GPHN: variants seen among roughly 807,000 people sequenced by gnomAD.
GPHN encodes gephyrin.
In GPHN, 17 loss-of-function variants were observed where a neutral mutation model predicts 95.5. The ratio of observed to expected loss-of-function variants is 0.18; its 90% CI spans 0.12 to 0.27. The LOEUF is 0.27. GPHN is among the 10% of genes least tolerant of loss of function. The pLI is 1.00. For missense variants in GPHN, 660 were observed against 978.1 expected (o/e 0.67, Z 4.34); for synonymous variants, 320 against 322.5 (o/e 0.99, Z 0.08).
intron 5 of GPHN, among the ~76,000 whole-genome samples, chr14:66,896,606 T>C (rs897978953): frequency 6.6e-6 from 1 of 151,992 alleles, no homozygotes; most frequent in Non-Finnish European, 1.5e-5. Flanking sequence ...TGAGACCCTC[T>C]CTTAAAAAAA....
intron 12 of GPHN, among the ~76,000 whole-genome samples, chr14:67,090,028 T>C (rs930513461): frequency 3.9e-5 from 6 of 152,144 alleles, no homozygotes; most frequent in African/African-American, 7.2e-5. Flanking sequence ...CACATACTTA[T>C]CATTTTTGTA....
chr14:67,151,765 C>T (rs2081301151), intron 18 of GPHN, among the ~76,000 whole-genome samples: 1 of 152,102 alleles, frequency 6.6e-6, no homozygotes, highest in Non-Finnish European at 1.5e-5. Context: ...TGCCTCAGCC[C>T]CACAAGTAGC....
chr14:67,442,960 C>T, the GPHN span, among the ~76,000 whole-genome samples: 1 of 152,172 alleles, frequency 6.6e-6, no homozygotes, highest in Non-Finnish European at 1.5e-5. Flanking sequence ...TGGCTCATCC[C>T]TGTAATCCCA....
At chr14:67,102,427 G>A (rs1177913298) in intron 13 of GPHN, among the ~76,000 whole-genome samples, 1 of 151,874 alleles carries the variant, frequency 6.6e-6, no homozygotes, top group Non-Finnish European at 1.5e-5. Flanking sequence ...TTGGGAGGCC[G>A]CGGCGGGCAG....
chr14:67,119,872 C>G (rs972917352), intron 16 of GPHN, among the ~76,000 whole-genome samples: 8 of 151,160 alleles, frequency 5.3e-5, no homozygotes, highest in Non-Finnish European at 7.4e-5. Context: ...GCTCACACCT[C>G]TAATCCAAGC....
intron 10 of GPHN, among the ~76,000 whole-genome samples, chr14:67,055,795 C>T (rs866537272): frequency 1.1e-4 from 17 of 152,132 alleles, no homozygotes; most frequent in South Asian, 8.3e-4. Context: ...ATGGTGTGTC[C>T]GGAGTTTGTT....
chr14:67,615,420 G>A, the GPHN span: 5 of 212,496 alleles, frequency 2.4e-5, no homozygotes, highest in East Asian at 5.8e-4. Context: ...GACAGTGCCG[G>A]GGCAAGTGAG....
the GPHN span, among the ~76,000 whole-genome samples, chr14:67,468,076 C>T: frequency 2.0e-5 from 3 of 152,088 alleles, no homozygotes; most frequent in Admixed American, 6.5e-5. Context: ...TGGGTTCAAG[C>T]GATTGTCCTG....
At chr14:66,774,546 A>G (rs2059311888) in intron 2 of GPHN, among the ~76,000 whole-genome samples, 1 of 152,232 alleles carries the variant, frequency 6.6e-6, no homozygotes, top group Non-Finnish European at 1.5e-5. Flanking sequence ...TTTTTATAAT[A>G]TAATTTAGCA....
the GPHN span, among the ~76,000 whole-genome samples, chr14:67,721,938 T>A: frequency 6.6e-6 from 1 of 152,180 alleles, no homozygotes; most frequent in Non-Finnish European, 1.5e-5. Flanking sequence ...CCTTGTAATA[T>A]GCATGTGCGT....
the GPHN span, among the ~76,000 whole-genome samples, chr14:67,469,601 T>C: frequency 5.3e-5 from 8 of 152,086 alleles, no homozygotes; most frequent in South Asian, 1.7e-3. Flanking sequence ...GAGCAACTTC[T>C]GAACCCTCCA....
At chr14:67,312,782 A>T in the GPHN span, 19 of 1,204,412 alleles carry the variant, frequency 1.6e-5, no homozygotes, top group South Asian at 8.0e-5. Flanking sequence ...ACAAAGAAAA[A>T]CTCACTCTTT....
chr14:67,590,846 T>G, the GPHN span, among the ~76,000 whole-genome samples: 2 of 152,196 alleles, frequency 1.3e-5, no homozygotes, highest in Admixed American at 6.5e-5. Flanking sequence ...CTAAATTTCA[T>G]GAACTCCATC....
rs191165729 is a variant in GPHN at position 67,076,158 on chromosome 14, G to C, written c.1145-12825G>C. Among the ~76,000 whole-genome samples the C allele has an allele frequency of 3.4e-3, 517 of 152,232 alleles. 2 individuals are homozygous for C. The highest frequency in any genetic ancestry group is 5.2e-3 in the Non-Finnish European group (354 of 68,010). On this transcript the variant is annotated intron_variant, in intron 11 of 22. Transcript: ENST00000478722. ...AAGCAACTACCACCCAGATCAGTCA[G>C]CAGCCATCAACATGGAGGCAAGACC...
chr14:67,214,290 T>C, the GPHN span, among the ~76,000 whole-genome samples: 6 of 152,244 alleles, frequency 3.9e-5, no homozygotes, highest in Non-Finnish European at 7.3e-5. Context: ...AGGGTTTTTA[T>C]GGTTCTAGGT....
At chr14:66,934,043 G>A (rs2066967920) in intron 8 of GPHN, among the ~76,000 whole-genome samples, 1 of 151,122 alleles carries the variant, frequency 6.6e-6, no homozygotes, top group Non-Finnish European at 1.5e-5. Context: ...GGAGGCTGAG[G>A]TGGAAGAATC....
At chr14:66,847,117 A>C (rs1038452683) in intron 4 of GPHN, among the ~76,000 whole-genome samples, 2 of 152,102 alleles carry the variant, frequency 1.3e-5, no homozygotes, top group African/African-American at 4.8e-5. Context: ...TTTAGGATAA[A>C]CTTTACTAAC....
At chr14:67,324,897 ATTTTTTTTTTTTT>A in the GPHN span, among the ~76,000 whole-genome samples, 11 of 76,336 alleles carry the variant, frequency 1.4e-4, no homozygotes, top group Admixed American at 1.2e-3. Flanking sequence ...CCTTCCTTTC[ATTTTTTTTTTTTT>A]TTTTTTTTTT....
chr14:66,711,085 G>A (rs2069574293), intron 2 of GPHN, among the ~76,000 whole-genome samples: 1 of 152,040 alleles, frequency 6.6e-6, no homozygotes, highest in Non-Finnish European at 1.5e-5. Context: ...GGTACAGGTG[G>A]TGTTTGGTTA....
Sources: gnomAD v4.1 joint callset for allele counts (sites outside exome capture counted in the v4.1 genomes callset) on GRCh38, gnomAD v4.1.1 for gene constraint, MANE v1.5 for transcripts, NCBI Gene and HGNC (gene_info 2026-07-23, HGNC 2026-07-21) for gene names.